FAM227B: variants seen among roughly 807,000 people sequenced by gnomAD.
FAM227B encodes the protein protein FAM227B.
In FAM227B, 88 loss-of-function variants were observed where a neutral mutation model predicts 73.8. The ratio of observed to expected loss-of-function variants is 1.19; its 90% confidence interval spans 1.00 to 1.42. The LOEUF (loss-of-function observed/expected upper bound fraction) is 1.42. FAM227B is among the 40% of genes most tolerant of loss of function. The pLI is 0.00. For synonymous variants in FAM227B, 210 were observed against 190.5 expected (o/e 1.10, Z -0.84); for missense variants, 632 against 590.9 (o/e 1.07, Z -0.72).
intron 11 of FAM227B, among the ~76,000 whole-genome samples, chr15:49,407,662 TA>T (rs1355798529): frequency 6.7e-6 from 1 of 148,242 alleles, no homozygotes; most frequent in Admixed American, 6.8e-5. Context: ...ATTATTATAT[TA>T]ATTATATATA....
Position 49,365,691 on chromosome 15 carries a change from TG to T in FAM227B, c.1271+1756del, listed in dbSNP as rs2045037036. 1.1e-5 allele frequency: 10 copies of T among 913,190 alleles called. No homozygotes were observed. In the South Asian group the frequency reaches 1.3e-4, roughly 12 times the overall value. The allele number at this position is 913,190 out of a possible 1,614,324, so 56.6% of individuals were successfully genotyped here. A position where few individuals can be genotyped will look rare whatever the true frequency, so the allele number is the denominator to read the frequency against. On this transcript the variant is annotated intron_variant, in intron 13 of 15. Coordinates refer to ENST00000299338, the MANE Select transcript of FAM227B (RefSeq NM_152647.3). ...ATGACTTGAAGCTGGCCAACTTCAG[TG>T]TTTTAATTAAATTCAGACAGAAAGC...
chr15:49,514,425 T>A (rs2059243825), intron 10 of FAM227B, among the ~76,000 whole-genome samples: 1 of 152,248 alleles, frequency 6.6e-6, no homozygotes, highest in South Asian at 2.1e-4. Context: ...TAGGAATGCT[T>A]GTGATGTTTG....
intron 11 of FAM227B, among the ~76,000 whole-genome samples, chr15:49,435,502 T>C (rs2051022112): frequency 6.6e-6 from 1 of 151,602 alleles, no homozygotes; most frequent in Non-Finnish European, 1.5e-5. Context: ...ACTACTGATA[T>C]GTCTTTGTTT....
chr15:49,433,185 A>G (rs2050767872), intron 11 of FAM227B, among the ~76,000 whole-genome samples: 1 of 151,610 alleles, frequency 6.6e-6, no homozygotes, highest in Non-Finnish European at 1.5e-5. Context: ...TTCAATACAG[A>G]GCCAGTAATG....
chr15:49,329,674 G>A, intron 15 of FAM227B: 2 of 982,576 alleles, frequency 2.0e-6, no homozygotes, highest in Non-Finnish European at 2.4e-6. Flanking sequence ...AAAGAATTTT[G>A]AGTTCTATAA....
intron 9 of FAM227B, among the ~76,000 whole-genome samples, chr15:49,552,364 C>A (rs1019696674): frequency 9.1e-5 from 13 of 142,868 alleles, no homozygotes; most frequent in African/African-American, 5.4e-5. Flanking sequence ...TGTACTGGAG[C>A]ATTATTGTAT....
At chr15:49,368,881 T>C (rs1330089335) in intron 12 of FAM227B, among the ~76,000 whole-genome samples, 1 of 152,232 alleles carries the variant, frequency 6.6e-6, no homozygotes, top group Non-Finnish European at 1.5e-5. Context: ...TAAGAGTTCA[T>C]GGTTTTTAAG....
intron 11 of FAM227B, chr15:49,485,434 T>C (rs185098313): frequency 6.6e-6 from 1 of 152,456 alleles, no homozygotes; most frequent in East Asian, 1.9e-4. Context: ...AAGTTGTTTT[T>C]GAACTTTATT....
intron 13 of FAM227B, among the ~76,000 whole-genome samples, chr15:49,358,283 G>A (rs1375783922): frequency 1.5e-5 from 2 of 137,726 alleles, no homozygotes; most frequent in Non-Finnish European, 3.2e-5. Flanking sequence ...ATTAGGAAAA[G>A]AGGAAGTCAA....
chr15:49,391,881 G>A (rs529851012), intron 11 of FAM227B, among the ~76,000 whole-genome samples: 1 of 152,204 alleles, frequency 6.6e-6, no homozygotes, highest in East Asian at 1.9e-4. Flanking sequence ...AGCTCTTAAG[G>A]ATTAGCTGCC....
intron 9 of FAM227B, among the ~76,000 whole-genome samples, chr15:49,542,882 C>G (rs1009580916): frequency 6.6e-6 from 1 of 151,516 alleles, no homozygotes; most frequent in South Asian, 2.1e-4. Flanking sequence ...TATATATATA[C>G]CACATTTTCT....
At chr15:49,539,512 G>A (rs1414408433) in intron 10 of FAM227B, among the ~76,000 whole-genome samples, 1 of 152,146 alleles carries the variant, frequency 6.6e-6, no homozygotes, top group African/African-American at 2.4e-5. Flanking sequence ...GGGGCAGTAG[G>A]GACATTGGTG....
At chr15:49,403,224 A>G (rs1005948937) in intron 11 of FAM227B, among the ~76,000 whole-genome samples, 1 of 151,488 alleles carries the variant, frequency 6.6e-6, no homozygotes, top group Non-Finnish European at 1.5e-5. Flanking sequence ...CATCAAGGGT[A>G]TTGGCCTGAA....
At chr15:49,485,407 G>A (rs2056321624) in intron 11 of FAM227B, 1 of 151,838 alleles carries the variant, frequency 6.6e-6, no homozygotes, top group Non-Finnish European at 1.5e-5. Context: ...TATGGTTACA[G>A]CATTAAACTC....
chr15:49,509,651 C>A lies in FAM227B; in HGVS notation c.875-1303G>T, dbSNP rs35073035. ...TCTGACTACATTCCAACATTATTTA[C>A]AAGTTTTAATTCAAATTGGTCACAA... On this transcript the variant is annotated intron_variant, in intron 10 of 15. Transcript: ENST00000299338. 2.2e-3 allele frequency among the ~76,000 whole-genome samples: 326 copies of A among 150,390 alleles called. 1 individual carries two copies. Among genetic ancestry groups the A allele is most frequent in the Non-Finnish European group, 3.2e-3 (218 of 67,776 alleles).
intron 2 of FAM227B, 64 bp downstream of exon 2, chr15:49,615,057 A>G: frequency 6.8e-7 from 1 of 1,468,974 alleles, no homozygotes; most frequent in Middle Eastern, 1.7e-4. Context: ...AGCCCTGATT[A>G]CCTGAAATTC....
chr15:49,550,223 C>A (rs1458336831), intron 9 of FAM227B, among the ~76,000 whole-genome samples: 1 of 147,016 alleles, frequency 6.8e-6, no homozygotes. Flanking sequence ...CCCCCCACCT[C>A]CCTCCCTGAC....
chr15:49,410,166 A>T (rs2048778582), intron 11 of FAM227B, among the ~76,000 whole-genome samples: 1 of 152,156 alleles, frequency 6.6e-6, no homozygotes, highest in Non-Finnish European at 1.5e-5. Flanking sequence ...CCAGCCCTTT[A>T]GGCTTCTTCA....
intron 11 of FAM227B, among the ~76,000 whole-genome samples, chr15:49,475,172 T>A (rs1047220995): frequency 5.9e-5 from 9 of 152,114 alleles, no homozygotes; most frequent in African/African-American, 2.2e-4. Context: ...AACATGAGAA[T>A]TAGGAATAGA....
Sources: gnomAD v4.1 joint callset for allele counts (sites outside exome capture counted in the v4.1 genomes callset) on GRCh38, gnomAD v4.1.1 for gene constraint, MANE v1.5 for transcripts, NCBI Gene and HGNC (gene_info 2026-07-23, HGNC 2026-07-21) for gene names.